The following MAP10 variants were observed in gnomAD, a reference collection of about 807,000 sequenced individuals.
MAP10 encodes microtubule associated protein 10.
MAP10 carries 10 observed loss-of-function variants against 6.3 expected under a neutral mutation model. The ratio of observed to expected loss-of-function variants is 1.58; its 90% CI spans 0.98 to 2.69. The LOEUF (loss-of-function observed/expected upper bound fraction) is 2.69, where lower values mean the gene tolerates loss of function less well. Ranked by LOEUF, MAP10 falls within the 30% of genes most tolerant of loss-of-function variation. The pLI is 0.00. For synonymous variants in MAP10, 459 were observed against 429.3 expected (o/e 1.07, Z -0.86); for missense variants, 1,189 against 1,086.5 (o/e 1.09, Z -1.33).
chr1:232,807,008 AAAG>A lies in MAP10; in HGVS notation c.1561_1563del (p.Arg521del). The A allele has an allele frequency of 6.2e-7, 1 of 1,613,124 alleles. No homozygotes were observed. Among genetic ancestry groups the A allele is most frequent in the South Asian group, 1.1e-5 (1 of 90,800 alleles). On this transcript the variant is annotated inframe_deletion, in exon 1 of 1. Transcript: ENST00000418460. ...CCTGATATGTTGGTGGTACATGAAA[AAAG>A]AGAACTATATAGAAAAAGACAATCA... is the stretch of plus-strand genomic sequence containing the variant.
Position 232,807,084 on chromosome 1 carries a change from A to G in MAP10, c.1635A>G (p.Leu545=). The change falls in exon 1 of 1, where the codon CTA becomes CTG. Residue 545 remains leucine, a synonymous_variant. Coordinates refer to ENST00000418460, the MANE Select transcript of MAP10 (RefSeq NM_019090.3). ...KFRIPSSKVK[L]LSSAEQSQKP... ...GAATTCCGTCATCCAAAGTTAAACT[A>G]TTAAGCTCTGCAGAACAAAGTCAGA... The G allele has an allele frequency of 3.7e-6, 6 of 1,612,606 alleles. No individual in the cohort carries two copies. Among genetic ancestry groups the G allele is most frequent in the East Asian group, 2.2e-5 (1 of 44,870 alleles).
rs1468708001 is a variant in MAP10, at chr1:232,806,482, C to A, written c.1033C>A (p.Pro345Thr). The A allele has an allele frequency of 6.2e-7, 1 of 1,613,780 alleles. No individual in the cohort carries two copies. The highest frequency in any genetic ancestry group is 1.3e-5 in the African/African-American group (1 of 74,904). ...TTCTCCTGAAAAAAAGCGTGTAAAT[C>A]CCCCAGCACACAGGAGTTGTCTAAA... ...DASPEKKRVN[P>T]PAHRSCLKHP... The change falls in exon 1 of 1, where the codon CCC becomes ACC. Residue 345 changes from proline to threonine, a missense_variant. Coordinates refer to ENST00000418460, the MANE Select transcript of MAP10 (RefSeq NM_019090.3).
chr1:232,806,631 G>T lies in MAP10; in HGVS notation c.1182G>T (p.Gln394His). Reference sequence around the variant, plus strand: ...AAAATCGAATTAATACAATAAGGCAGTTGCCTTTGTTAAATGCTTTGTTAG... The same window carrying T: ...AAAATCGAATTAATACAATAAGGCATTTGCCTTTGTTAAATGCTTTGTTAG... ...TEQNRINTIRQLPLLNALLVE... is the reference protein window; with the variant it reads ...TEQNRINTIRHLPLLNALLVE... The change falls in exon 1 of 1, where the codon CAG becomes CAT. Residue 394 changes from glutamine to histidine, a missense_variant. By Grantham distance (24) the Gln-to-His change is conservative (BLOSUM62 0). Transcript: ENST00000418460. 6.2e-7 allele frequency: 1 copy of T among 1,613,922 alleles called. No homozygotes were observed. The highest frequency in any genetic ancestry group is 8.5e-7 in the Non-Finnish European group (1 of 1,179,860).
chr1:232,805,839 G>A lies in MAP10; in HGVS notation c.390G>A (p.Gln130=), dbSNP rs757605719. 1.2e-5 allele frequency: 19 copies of A among 1,589,712 alleles called. No individual in the cohort carries two copies. The highest frequency in any genetic ancestry group is 1.5e-5 in the Non-Finnish European group (18 of 1,168,144). ...LPPGRPTPTP[Q]LLGACDISLA... Reference sequence around the variant, plus strand: ...CTGGGCGCCCGACGCCCACCCCACAGCTCCTGGGGGCCTGCGACATTTCGC... The same window carrying A: ...CTGGGCGCCCGACGCCCACCCCACAACTCCTGGGGGCCTGCGACATTTCGC... The change falls in exon 1 of 1, where the codon CAG becomes CAA. Residue 130 remains glutamine, a synonymous_variant. Coordinates refer to ENST00000418460, the MANE Select transcript of MAP10 (RefSeq NM_019090.3).
Position 232,807,199 on chromosome 1 carries a change from G to A in MAP10, c.1750G>A (p.Asp584Asn), listed in dbSNP as rs1170633759. The A allele has an allele frequency of 6.2e-7, 1 of 1,613,538 alleles. No individual in the cohort carries two copies. The highest frequency in any genetic ancestry group is 1.3e-5 in the African/African-American group (1 of 75,016). Reference protein sequence around the residue: ...DTSRQISGVFDEPSTSKETKL... With the variant: ...DTSRQISGVFNEPSTSKETKL... ...CTCAAGACAAATCAGTGGAGTTTTT[G>A]ATGAGCCCAGCACAAGTAAAGAAAC... Residue 584 changes from aspartate (D) to asparagine (N), a missense_variant, in exon 1 of 1, where the codon GAT (aspartate) becomes AAT (asparagine). By Grantham distance (23) the Asp-to-Asn change is conservative (BLOSUM62 1). Transcript: ENST00000418460.
chr1:232,808,260 AT>A lies in MAP10; in HGVS notation c.*99del, dbSNP rs1320380909. 3 of 724,224 alleles carry A rather than the reference AT, an allele frequency of 4.1e-6. No homozygotes were observed. The highest frequency in any genetic ancestry group is 1.8e-5 in the African/African-American group (1 of 55,518). 44.9% of individuals were successfully genotyped at this position (724,224 alleles called of 1,614,324 possible). A position where few individuals can be genotyped will look rare whatever the true frequency, so the allele number is the denominator to read the frequency against. Reference sequence around the variant, plus strand: ...TTTTAGTTCATGAATTATGTGAATAATTTTTTAAAGAAATATGAATTAACGT... The same window carrying A: ...TTTTAGTTCATGAATTATGTGAATAATTTTTAAAGAAATATGAATTAACGT... On this transcript the variant is annotated 3_prime_UTR_variant, in exon 1 of 1. Coordinates refer to ENST00000418460, the MANE Select transcript of MAP10 (RefSeq NM_019090.3).
Position 232,806,840 on chromosome 1 carries a change from A to C in MAP10, c.1391A>C (p.Gln464Pro), listed in dbSNP as rs548973278. The part of the protein sequence containing the change: ...VGGCEKSVSL[Q>P]YKKNQIENYK... ...GGATGTGAAAAGTCAGTGAGTCTTCAGTATAAAAAGAACCAAATTGAAAAC... is the reference window on the plus strand; with the variant it reads ...GGATGTGAAAAGTCAGTGAGTCTTCCGTATAAAAAGAACCAAATTGAAAAC... The change falls in exon 1 of 1, where the codon CAG becomes CCG. Residue 464 changes from glutamine to proline, a missense_variant. By Grantham distance (76) the Gln-to-Pro change is moderately conservative. Coordinates refer to ENST00000418460, the MANE Select transcript of MAP10 (RefSeq NM_019090.3). 2 of 1,613,156 alleles carry C rather than the reference A, an allele frequency of 1.2e-6. No individual in the cohort carries two copies.
rs774203005 is a variant in MAP10, at chr1:232,806,407, A to G, written c.958A>G (p.Lys320Glu). The G allele has an allele frequency of 5.0e-6, 8 of 1,613,840 alleles. No homozygotes were observed. The highest frequency in any genetic ancestry group is 1.7e-5 in the Admixed American group (1 of 59,996). The change falls in exon 1 of 1, where the codon AAA (lysine) becomes GAA (glutamate). Residue 320 changes from lysine (K) to glutamate (E), a missense_variant. Lys to Glu is a moderately conservative substitution (Grantham distance 56). Transcript: ENST00000418460. ...AGAAAAACCGCCCCCTGCACAGGCT[A>G]AAATCACCATTGAGCCTCAAATGAA... ...TQEKPPPAQAKITIEPQMNAP... is the reference protein window; with the variant it reads ...TQEKPPPAQAEITIEPQMNAP...
At position 232,805,457 on chromosome 1, in the gene MAP10, C is replaced by T. The variant is rs1258525563; in HGVS notation, c.8C>T (p.Ala3Val). 1.9e-6 allele frequency: 3 copies of T among 1,606,312 alleles called. No homozygotes were observed. The highest frequency in any genetic ancestry group is 1.3e-5 in the African/African-American group (1 of 74,842). ...TTTCCTGGGGCAACAGCAATGGCGG[C>T]CTCGCTGTCCGAGCGGCTCTTCTCG... is the stretch of plus-strand genomic sequence containing the variant. MAASLSERLFSLE... is the reference protein window; with the variant it reads MAVSLSERLFSLE... Residue 3 changes from alanine to valine, a missense_variant, in exon 1 of 1, where the codon GCC (alanine) becomes GTC (valine). Coordinates refer to ENST00000418460, the MANE Select transcript of MAP10 (RefSeq NM_019090.3).
At chr1:232,807,967 TTAGAAAAAAG>T in the MAP10 span, 1 of 1,612,736 alleles carries the variant, frequency 6.2e-7, no homozygotes, top group Non-Finnish European at 8.5e-7. Context: ...TTGGAAATCT[TTAGAAAAAAG>T]CCAGTCACCA....
chr1:232,807,534 C>G lies in MAP10; in HGVS notation c.2085C>G (p.Ile695Met). Residue 695 changes from isoleucine to methionine, a missense_variant, in exon 1 of 1, where the codon ATC becomes ATG. Ile to Met is a conservative substitution (Grantham distance 10, BLOSUM62 1). Transcript: ENST00000418460. ...GTAAAAATAGTTGCTATGAAAACAT[C>G]TCAGAACTGAAGTATTCAGATGATT... ...RTGKNSCYEN[I>M]SELKYSDDLS... The G allele has an allele frequency of 6.8e-6, 11 of 1,613,528 alleles. No homozygotes were observed. Among genetic ancestry groups the G allele is most frequent in the Non-Finnish European group, 9.3e-6 (11 of 1,179,706 alleles).
At position 232,807,427 on chromosome 1, in the gene MAP10, G is replaced by A. The variant is rs765993632; in HGVS notation, c.1978G>A (p.Val660Ile). 6.2e-6 allele frequency: 10 copies of A among 1,613,668 alleles called. No individual in the cohort carries two copies. In the East Asian group the frequency reaches 2.0e-4, roughly 32 times the overall value. The stretch of plus-strand genomic sequence containing the variant: ...ACAGGATGCTGTTGTTGACAGAATT[G>A]TAGATAAGGAAATAGATATTAGACA... ...FQQDAVVDRI[V>I]DKEIDIRQVK... The change falls in exon 1 of 1, where the codon GTA becomes ATA. Residue 660 changes from valine to isoleucine, a missense_variant. Transcript: ENST00000418460.
In MAP10 at chr1:232,806,158, T is replaced by C. The variant is rs1196080502; in HGVS notation, c.709T>C (p.Leu237=). The change falls in exon 1 of 1, where the codon TTA becomes CTA. Residue 237 remains leucine, a synonymous_variant. Transcript: ENST00000418460. The stretch of plus-strand genomic sequence containing the variant: ...AGAGGCTGATAAGCCGCTGGGGGAG[T>C]TAGAAATCCCAGAGGCACAGAAGGA... The part of the protein sequence containing the change: ...PKEADKPLGE[L]EIPEAQKDLK... The C allele has an allele frequency of 1.2e-6, 2 of 1,613,864 alleles. No homozygotes were observed. Among genetic ancestry groups the C allele is most frequent in the South Asian group, 2.2e-5 (2 of 91,074 alleles).
rs760424355 is a variant in MAP10, at chr1:232,806,498, G to A, written c.1049G>A (p.Ser350Asn). The A allele has an allele frequency of 2.5e-6, 4 of 1,613,824 alleles. No homozygotes were observed. The East Asian group carries it at 6.7e-5, about 27-fold the overall frequency. ...CGTGTAAATCCCCCAGCACACAGGA[G>A]TTGTCTAAAGCATCCAAGTTCTGCA... ...KKRVNPPAHR[S>N]CLKHPSSAAH... The change falls in exon 1 of 1, where the codon AGT (serine) becomes AAT (asparagine). Residue 350 changes from serine to asparagine, a missense_variant. Ser to Asn is a conservative substitution (Grantham distance 46). Coordinates refer to ENST00000418460, the MANE Select transcript of MAP10 (RefSeq NM_019090.3).
At position 232,805,781 on chromosome 1, in the gene MAP10, C is replaced by T. The variant is rs754289516; in HGVS notation, c.332C>T (p.Thr111Ile). ...PATLHCRLLR[T>I]PLATLLLQLP... is the part of the protein sequence containing the mutation. ...ACCCTGCACTGCCGGCTCCTGCGGACCCCGCTTGCCACCTTGCTGCTGCAG... is the reference window on the plus strand; with the variant it reads ...ACCCTGCACTGCCGGCTCCTGCGGATCCCGCTTGCCACCTTGCTGCTGCAG... Residue 111 changes from threonine (T) to isoleucine (I), a missense_variant, in exon 1 of 1, where the codon ACC becomes ATC. By Grantham distance (89) the Thr-to-Ile change is moderately conservative (BLOSUM62 -1). Transcript: ENST00000418460. The T allele has an allele frequency of 2.6e-5, 41 of 1,598,788 alleles. No homozygotes were observed. Among genetic ancestry groups the T allele is most frequent in the Non-Finnish European group, 3.2e-5 (38 of 1,173,594 alleles).
Position 232,805,583 on chromosome 1 carries a change from G to C in MAP10, c.134G>C (p.Gly45Ala), listed in dbSNP as rs1395546748. The change falls in exon 1 of 1, where the codon GGG becomes GCG. Residue 45 changes from glycine to alanine, a missense_variant. Transcript: ENST00000418460. ...QEEEEEEKEQ[G>A]EASSPRGLCP... ...GAGGAAGAGGAGGAAAAGGAGCAGGGGGAGGCCTCGTCGCCGCGCGGTCTG... is the reference window on the plus strand; with the variant it reads ...GAGGAAGAGGAGGAAAAGGAGCAGGCGGAGGCCTCGTCGCCGCGCGGTCTG... The C allele has an allele frequency of 6.4e-7, 1 of 1,556,382 alleles. No individual in the cohort carries two copies. The highest frequency in any genetic ancestry group is 2.4e-5 in the East Asian group (1 of 41,450).
At chr1:232,808,153 G>T in the MAP10 span, 1 of 1,564,206 alleles carries the variant, frequency 6.4e-7, no homozygotes, top group African/African-American at 1.4e-5. Context: ...TAAACTTCCA[G>T]GATACACAAT....
At position 232,806,388 on chromosome 1, in the gene MAP10, A is replaced by G. The variant is rs775734557; in HGVS notation, c.939A>G (p.Lys313=). ...ATTACACTAACTTGACCCAAGAAAAACCGCCCCCTGCACAGGCTAAAATCA... is the reference window on the plus strand; with the variant it reads ...ATTACACTAACTTGACCCAAGAAAAGCCGCCCCCTGCACAGGCTAAAATCA... ...PLYYTNLTQE[K]PPPAQAKITI... Residue 313 remains lysine (K), a synonymous_variant, in exon 1 of 1, where the codon AAA becomes AAG. Coordinates refer to ENST00000418460, the MANE Select transcript of MAP10 (RefSeq NM_019090.3). 23 of 1,613,318 alleles carry G rather than the reference A, an allele frequency of 1.4e-5. 1 individual carries two copies. In the Middle Eastern group the frequency reaches 4.9e-4, roughly 35 times the overall value.
chr1:232,805,627 C>T lies in MAP10; in HGVS notation c.178C>T (p.Arg60Cys). 1 of 1,573,204 alleles carries T rather than the reference C, an allele frequency of 6.4e-7. No individual in the cohort carries two copies. Among genetic ancestry groups the T allele is most frequent in the South Asian group, 1.2e-5 (1 of 86,840 alleles). ...PRGLCPAVAF[R>C]LLDFPTLLVY... is the part of the protein sequence containing the mutation. ...CGGTCTGTGCCCCGCCGTGGCCTTC[C>T]GCCTGCTGGACTTCCCCACGCTGTT... Residue 60 changes from arginine (R) to cysteine (C), a missense_variant, in exon 1 of 1, where the codon CGC (arginine) becomes TGC (cysteine). Coordinates refer to ENST00000418460, the MANE Select transcript of MAP10 (RefSeq NM_019090.3).
Sources: gnomAD v4.1 joint callset for allele counts on GRCh38, gnomAD v4.1.1 for gene constraint, MANE v1.5 for transcripts, NCBI Gene and HGNC (gene_info 2026-07-23, HGNC 2026-07-21) for gene names.